Variants in ESPN observed in about 807,000 individuals in gnomAD.
The protein encoded by ESPN is autosomal recessive deafness type 36 protein.
ESPN carries 68 observed loss-of-function variants against 77.7 expected under a neutral mutation model. That is an observed-to-expected ratio of 0.87 (90% CI 0.72 to 1.07). The LOEUF (loss-of-function observed/expected upper bound fraction) is 1.07, where lower values mean the gene tolerates loss of function less well. ESPN is among the 50% of genes least tolerant of loss of function. The pLI, the probability that ESPN is intolerant of heterozygous loss-of-function variation, is 0.00. For missense variants in ESPN, 1,060 were observed against 1,239.0 expected (o/e 0.86, Z 2.17); for synonymous variants, 449 against 567.1 (o/e 0.79, Z 2.96).
intron 5 of ESPN, among the ~76,000 whole-genome samples, chr1:6,442,243 A>G (rs1643663458): frequency 6.6e-6 from 1 of 152,140 alleles, no homozygotes; most frequent in South Asian, 2.1e-4. Context: ...GAGTGCCTTA[A>G]AGGTGTAATC....
Position 6,452,061 on chromosome 1 carries a change from C to G in ESPN, c.2290C>G (p.Leu764Val). Reference sequence around the variant, plus strand: ...CCAGGTGATGGTGCGCAAGATGCAGCTGAAGATGCAGGAGGAGGAGGAGCA... The same window carrying G: ...CCAGGTGATGGTGCGCAAGATGCAGGTGAAGATGCAGGAGGAGGAGGAGCA... ...KRQVMVRKMQ[L>V]KMQEEEEQRR... Residue 764 changes from leucine (L) to valine (V), a missense_variant, in exon 10 of 13, where the codon CTG becomes GTG. By Grantham distance (32) the Leu-to-Val change is conservative (BLOSUM62 1). Coordinates refer to ENST00000645284, the MANE Select transcript of ESPN (RefSeq NM_031475.3). 1.3e-6 allele frequency: 2 copies of G among 1,565,968 alleles called. No individual in the cohort carries two copies. Among genetic ancestry groups the G allele is most frequent in the Non-Finnish European group, 1.7e-6 (2 of 1,155,068 alleles).
At chr1:6,461,141 CAAG>C (rs1234873886), downstream of ESPN, 1 of 643,484 alleles carries the variant, frequency 1.6e-6, no homozygotes, top group Non-Finnish European at 2.9e-6. This position sits in a 1 kb window ranked among gnomAD's most constrained non-coding sequence, Gnocchi z 6.3. Flanking sequence ...GCAGAAACGC[CAAG>C]AAGCCGTTTT....
Position 6,428,332 on chromosome 1 carries a change from C to T in ESPN, c.401C>T (p.Ala134Val), listed in dbSNP as rs1371617306. The T allele has an allele frequency of 6.2e-7, 1 of 1,613,010 alleles. No homozygotes were observed. The highest frequency in any genetic ancestry group is 8.5e-7 in the Non-Finnish European group (1 of 1,179,974). Residue 134 changes from alanine to valine, a missense_variant, in exon 2 of 13, where the codon GCC becomes GTC. Physicochemically the swap from Ala to Val is moderately conservative, Grantham distance 64 (BLOSUM62 0). Transcript: ENST00000645284. The surrounding 1 kb of genome is among the most constrained non-coding windows in gnomAD (Gnocchi z 5.4). Reference sequence around the variant, plus strand: ...CATGGCGGTGGGGACCCCACCGCGGCCACAGACATGGGCGCCCTGCCTATC... The same window carrying T: ...CATGGCGGTGGGGACCCCACCGCGGTCACAGACATGGGCGCCCTGCCTATC... ...LHHGGGDPTA[A>V]TDMGALPIHY...
At chr1:6,436,726 C>T (rs1255763154) in intron 2 of ESPN, among the ~76,000 whole-genome samples, 1 of 152,038 alleles carries the variant, frequency 6.6e-6, no homozygotes, top group African/African-American at 2.4e-5. Flanking sequence ...AGGCTGGTCT[C>T]GAACTCCTAG....
chr1:6,444,459 G>A (rs1179299936), intron 5 of ESPN, 22 bp from the exon 6 acceptor site: 1 of 1,613,480 alleles, frequency 6.2e-7, no homozygotes, highest in Admixed American at 1.7e-5. Flanking sequence ...TTGTCTTCAT[G>A]GCCTCCCTGC....
chr1:6,460,219 T>C lies in ESPN; in HGVS notation c.*73T>C. On this transcript the variant is annotated 3_prime_UTR_variant, in exon 13 of 13. Transcript: ENST00000645284. ...GCCCCAGCCCCAGCCAGCCAGGCCC[T>C]GGTGGAAAGGCTGGGAGCCGCACAG... 2 of 1,567,520 alleles carry C rather than the reference T, an allele frequency of 1.3e-6. No individual in the cohort carries two copies. The highest frequency in any genetic ancestry group is 2.3e-4 in the Middle Eastern group (1 of 4,284).
chr1:6,426,471 T>TG (rs1643036897), intron 1 of ESPN, among the ~76,000 whole-genome samples: 1 of 139,870 alleles, frequency 7.1e-6, no homozygotes, highest in South Asian at 2.7e-4. Context: ...GGCTTGGGTG[T>TG]GGGGGGAGAA....
chr1:6,432,803 C>T (rs1199098235), intron 2 of ESPN, among the ~76,000 whole-genome samples: 3 of 152,246 alleles, frequency 2.0e-5, no homozygotes, highest in Non-Finnish European at 2.9e-5. Flanking sequence ...GGCCTTCACC[C>T]GTCCATGTCC....
intron 2 of ESPN, among the ~76,000 whole-genome samples, chr1:6,438,718 T>C (rs1643520243): frequency 6.6e-6 from 1 of 152,274 alleles, no homozygotes; most frequent in Non-Finnish European, 1.5e-5. Context: ...CAGCCCCACC[T>C]GTGAGCCTCC....
rs972673766 is a variant in ESPN at position 6,448,857 on chromosome 1, C to T, written c.1681C>T (p.Arg561Cys). ...CTGCCCGCGCCTCGGCCCTGCCGCC[C>T]GCGGCTCACTCGAAGGCCCCTCCGC... ...AGCPRLGPAARGSLEGPSAPP... is the reference protein window; with the variant it reads ...AGCPRLGPAACGSLEGPSAPP... Residue 561 changes from arginine to cysteine, a missense_variant, in exon 8 of 13, where the codon CGC becomes TGC. By Grantham distance (180) the Arg-to-Cys change is radical. Transcript: ENST00000645284. 172 of 1,261,694 alleles carry T rather than the reference C, an allele frequency of 1.4e-4. No individual in the cohort carries two copies. The African/African-American group carries it at 2.0e-3, about 15-fold the overall frequency. The allele number at this position is 1,261,694 out of a possible 1,614,324, so 78.2% of individuals were successfully genotyped here.
intron 1 of ESPN, among the ~76,000 whole-genome samples, chr1:6,425,914 G>C (rs948956116): frequency 6.6e-6 from 1 of 152,226 alleles, no homozygotes. Context: ...TCCAGGCACA[G>C]GGAACAAGAA....
chr1:6,429,540 A>G (rs1413780544), intron 2 of ESPN, among the ~76,000 whole-genome samples: 2 of 151,986 alleles, frequency 1.3e-5, no homozygotes, highest in Non-Finnish European at 2.9e-5. Flanking sequence ...ATTCTGATGC[A>G]CCTGTCCCAC....
Position 6,424,881 on chromosome 1 carries a change from C to G in ESPN, c.-75C>G. 1 of 1,326,432 alleles carries G rather than the reference C, an allele frequency of 7.5e-7. No individual in the cohort carries two copies. The highest frequency in any genetic ancestry group is 9.7e-7 in the Non-Finnish European group (1 of 1,035,100). 82.2% of individuals were successfully genotyped at this position (1,326,432 alleles called of 1,614,324 possible). A position where few individuals can be genotyped will look rare whatever the true frequency, so the allele number is the denominator to read the frequency against. On this transcript the variant is annotated 5_prime_UTR_variant, in exon 1 of 13. Coordinates refer to ENST00000645284, the MANE Select transcript of ESPN (RefSeq NM_031475.3). ...CCCGACGGCCGCACCGCGGGCTCCT[C>G]TGGCCCGCAAGAACACGTGCATGGC... is the stretch of plus-strand genomic sequence containing the variant.
intron 7 of ESPN, among the ~76,000 whole-genome samples, chr1:6,446,406 G>A (rs368363270): frequency 3.9e-4 from 59 of 152,352 alleles, no homozygotes; most frequent in African/African-American, 1.2e-3. Flanking sequence ...AGGGTGGGGG[G>A]AAGGTGAGCA....
intron 10 of ESPN, chr1:6,455,441 C>G: frequency 2.5e-6 from 1 of 395,856 alleles, no homozygotes. Context: ...CGAGCAACAG[C>G]GAGGCCCACA....
At chr1:6,433,405 C>T (rs1209379671) in intron 2 of ESPN, among the ~76,000 whole-genome samples, 1 of 152,008 alleles carries the variant, frequency 6.6e-6, no homozygotes, top group Admixed American at 6.6e-5. Context: ...GATCGTGCTG[C>T]TGCACTCCAG....
chr1:6,442,316 A>G (rs1461536977), intron 5 of ESPN, among the ~76,000 whole-genome samples: 2 of 152,218 alleles, frequency 1.3e-5, no homozygotes, highest in Non-Finnish European at 2.9e-5. Context: ...CATGCCTGTA[A>G]TCCCAGCACT....
intron 10 of ESPN, chr1:6,456,320 C>T (rs1339322513): frequency 4.6e-5 from 18 of 387,566 alleles, no homozygotes; most frequent in Middle Eastern, 6.6e-4. Context: ...CTTGAGCAGC[C>T]CGGAGGGCCC....
intron 10 of ESPN, chr1:6,456,165 A>G (rs1644054937): frequency 5.0e-6 from 2 of 399,060 alleles, no homozygotes; most frequent in Admixed American, 4.4e-5. Context: ...CTCCTTCTGG[A>G]AAGAGAAGGA....
Sources: allele counts gnomAD v4.1 joint callset (sites outside exome capture counted in the v4.1 genomes callset), GRCh38; gene constraint gnomAD v4.1.1; non-coding constraint Gnocchi (gnomAD v3.1); transcripts MANE v1.5; gene names NCBI Gene and HGNC (gene_info 2026-07-23, HGNC 2026-07-21).